The following PAPPA variants were observed in gnomAD, a reference collection of about 807,000 sequenced individuals.
PAPPA encodes the protein pappalysin-1.
In PAPPA, 60 loss-of-function variants were observed where a neutral mutation model predicts 164.0. The observed-to-expected ratio is 0.37, with a 90% CI of 0.30 to 0.45. The LOEUF (loss-of-function observed/expected upper bound fraction) is 0.45. Ranked by LOEUF, PAPPA falls within the 20% of genes least tolerant of loss-of-function variation. The pLI is 1.00. For missense variants in PAPPA, 1,782 were observed against 2,087.3 expected (o/e 0.85, Z 2.85); for synonymous variants, 875 against 814.1 (o/e 1.07, Z -1.27).
intron 9 of PAPPA, among the ~76,000 whole-genome samples, chr9:116,279,518 G>T (rs28377850): frequency 1.3e-5 from 2 of 152,046 alleles, no homozygotes; most frequent in African/African-American, 2.4e-5. Flanking sequence ...CAGAAGGGAG[G>T]AATTCTAGCC....
intron 8 of PAPPA, among the ~76,000 whole-genome samples, chr9:116,270,722 GC>G (rs1188044737): frequency 6.6e-6 from 1 of 152,120 alleles, no homozygotes; most frequent in Non-Finnish European, 1.5e-5. Context: ...AACAAAGGGG[GC>G]ATTAGTATTT....
At chr9:116,290,687 C>T (rs1052574560) in intron 9 of PAPPA, among the ~76,000 whole-genome samples, 1 of 151,422 alleles carries the variant, frequency 6.6e-6, no homozygotes, top group African/African-American at 2.4e-5. Flanking sequence ...TTTCTTTCTT[C>T]CTTCCTTTCT....
At chr9:116,258,845 T>C (rs978961204) in intron 7 of PAPPA, among the ~76,000 whole-genome samples, 1 of 152,020 alleles carries the variant, frequency 6.6e-6, no homozygotes, top group Non-Finnish European at 1.5e-5. Context: ...TAAAAAACTA[T>C]ACTGTGGGCC....
Position 116,235,139 on chromosome 9 carries a change from G to A in PAPPA, c.2234G>A (p.Gly745Asp). 1 of 1,614,072 alleles carries A rather than the reference G, an allele frequency of 6.2e-7. No individual in the cohort carries two copies. The highest frequency in any genetic ancestry group is 8.5e-7 in the Non-Finnish European group (1 of 1,179,998). The change falls in exon 7 of 22, where the codon GGT becomes GAT. Residue 745 changes from glycine to aspartate, a missense_variant and splice_region_variant. Coordinates refer to ENST00000328252, the MANE Select transcript of PAPPA (RefSeq NM_002581.5). Reference sequence around the variant, plus strand: ...TCATTCCCTCATCTCTTCTGCATAGGTCATCCTGATGTTGAACAGCCCTGT... The same window carrying A: ...TCATTCCCTCATCTCTTCTGCATAGATCATCCTGATGTTGAACAGCCCTGT... ...SGHWSPREAE[G>D]HPDVEQPCKS...
At chr9:116,263,825 A>G (rs1449296748) in intron 7 of PAPPA, among the ~76,000 whole-genome samples, 1 of 152,180 alleles carries the variant, frequency 6.6e-6, no homozygotes, top group African/African-American at 2.4e-5. Context: ...GAGAGGAGCA[A>G]AACATTCACA....
chr9:116,316,583 A>T (rs1345092761), intron 10 of PAPPA: 2 of 152,228 alleles, frequency 1.3e-5, no homozygotes, highest in African/African-American at 4.8e-5. Flanking sequence ...AACAGTGTCC[A>T]TTGCACCTGT....
chr9:116,384,537 G>A (rs1196034013), intron 21 of PAPPA, among the ~76,000 whole-genome samples: 2 of 152,202 alleles, frequency 1.3e-5, no homozygotes, highest in East Asian at 3.9e-4. Flanking sequence ...TGGCTGTGAT[G>A]TATGCTAATT....
chr9:116,375,531 T>A (rs918435366), intron 19 of PAPPA, among the ~76,000 whole-genome samples: 2 of 152,208 alleles, frequency 1.3e-5, no homozygotes, highest in African/African-American at 4.8e-5. Flanking sequence ...GGTAAAATCA[T>A]CTCTATTTTG....
intron 11 of PAPPA, 144 bp from the exon 12 acceptor site, chr9:116,332,189 C>A: frequency 3.5e-6 from 2 of 574,350 alleles, no homozygotes; most frequent in South Asian, 5.6e-5. Flanking sequence ...GTTTCATTGC[C>A]TCCTCCTTCC....
intron 1 of PAPPA, among the ~76,000 whole-genome samples, chr9:116,163,088 T>C (rs777668943): frequency 1.6e-4 from 24 of 152,208 alleles, no homozygotes; most frequent in Middle Eastern, 3.2e-3. Flanking sequence ...CTGTGCTGGG[T>C]ACAGTTTTAG....
intron 7 of PAPPA, among the ~76,000 whole-genome samples, chr9:116,242,393 G>A (rs534315199): frequency 1.3e-5 from 2 of 152,274 alleles, no homozygotes; most frequent in Non-Finnish European, 2.9e-5. Flanking sequence ...GAAGGAACAA[G>A]CATACTGCAT....
chr9:116,269,531 G>A (rs560603070), intron 8 of PAPPA, among the ~76,000 whole-genome samples: 4 of 152,338 alleles, frequency 2.6e-5, no homozygotes, highest in East Asian at 3.9e-4. Context: ...GACAAGTGCT[G>A]TGATAGATGG....
At chr9:116,189,970 C>T (rs1186205552) in intron 2 of PAPPA, among the ~76,000 whole-genome samples, 1 of 152,222 alleles carries the variant, frequency 6.6e-6, no homozygotes, top group Non-Finnish European at 1.5e-5. Flanking sequence ...ACCTTGGCTC[C>T]AAGACATGAG....
At chr9:116,256,972 C>G (rs1318005424) in intron 7 of PAPPA, among the ~76,000 whole-genome samples, 1 of 150,832 alleles carries the variant, frequency 6.6e-6, no homozygotes, top group Non-Finnish European at 1.5e-5. Context: ...CAAATTTAAA[C>G]AAATATCAAA....
intron 6 of PAPPA, among the ~76,000 whole-genome samples, chr9:116,230,647 T>C (rs1844579169): frequency 6.6e-6 from 1 of 152,216 alleles, no homozygotes; most frequent in African/African-American, 2.4e-5. Context: ...CAAATCTTTA[T>C]TGGAAATCTA....
chr9:116,347,282 T>C lies in PAPPA; in HGVS notation c.3964+73T>C, dbSNP rs982851473. On this transcript the variant is annotated intron_variant, in intron 15 of 21. Transcript: ENST00000328252. The surrounding 1 kb of genome is among the most constrained non-coding windows in gnomAD (Gnocchi z 4.5). Reference sequence around the variant, plus strand: ...ACCTAGAAGCTGCATCCAGGCCCTCTTTCTGGGTCTCAAACACCAAGGGTG... The same window carrying C: ...ACCTAGAAGCTGCATCCAGGCCCTCCTTCTGGGTCTCAAACACCAAGGGTG... 2.0e-5 allele frequency: 27 copies of C among 1,355,460 alleles called. No homozygotes were observed. The highest frequency in any genetic ancestry group is 2.4e-5 in the Non-Finnish European group (24 of 988,582). 84.0% of individuals were successfully genotyped at this position (1,355,460 alleles called of 1,614,324 possible).
At chr9:116,380,553 C>T (rs557507392) in intron 20 of PAPPA, among the ~76,000 whole-genome samples, 2 of 152,272 alleles carry the variant, frequency 1.3e-5, no homozygotes, top group African/African-American at 4.8e-5. Flanking sequence ...AGAACATAAC[C>T]CACAGGCAGA....
chr9:116,291,258 A>C (rs35202686), intron 9 of PAPPA, among the ~76,000 whole-genome samples: 1 of 151,854 alleles, frequency 6.6e-6, no homozygotes, highest in African/African-American at 2.4e-5. Context: ...TCCTATCCAG[A>C]TATTCCATTT....
At chr9:116,235,041 T>C in intron 6 of PAPPA, 98 bp from the exon 7 acceptor site, 1 of 1,377,500 alleles carries the variant, frequency 7.3e-7, no homozygotes, top group Non-Finnish European at 1.0e-6. Context: ...CTGTCTAAGT[T>C]CTAGTCAGAC....
Sources: gnomAD v4.1 joint callset for allele counts (sites outside exome capture counted in the v4.1 genomes callset) on GRCh38, gnomAD v4.1.1 for gene constraint, Gnocchi (gnomAD v3.1) non-coding constraint, MANE v1.5 for transcripts, NCBI Gene and HGNC (gene_info 2026-07-23, HGNC 2026-07-21) for gene names.